IGFL2: variants seen among roughly 807,000 people sequenced by gnomAD.
The protein encoded by IGFL2 is insulin growth factor-like family member 2.
IGFL2 carries 7 observed loss-of-function variants against 13.9 expected under a neutral mutation model. The observed-to-expected ratio is 0.51, with a 90% CI of 0.29 to 0.95. The LOEUF is 0.95. IGFL2 is among the 40% of genes least tolerant of loss of function. The probability of loss-of-function intolerance (pLI) is 0.08; values close to 1 mark genes in which losing one functional copy is unlikely to be tolerated. For missense variants in IGFL2, 138 were observed against 147.8 expected (o/e 0.93, Z 0.34); for synonymous variants, 55 against 55.8 (o/e 0.99, Z 0.07).
chr19:46,165,288 A>T (rs1974345343), downstream of IGFL2, among the ~76,000 whole-genome samples: 1 of 152,262 alleles, frequency 6.6e-6, no homozygotes, highest in African/African-American at 2.4e-5. Context: ...TCCGGTCCCA[A>T]CTATGGAAGG....
the IGFL2 span, among the ~76,000 whole-genome samples, chr19:46,183,979 C>G: frequency 6.6e-6 from 1 of 152,066 alleles, no homozygotes; most frequent in African/African-American, 2.4e-5. Flanking sequence ...GTTTTTGCCC[C>G]CAAAATTGGT....
the IGFL2 span, among the ~76,000 whole-genome samples, chr19:46,177,296 G>A: frequency 1.3e-5 from 2 of 152,166 alleles, no homozygotes; most frequent in Admixed American, 1.3e-4. Context: ...GGGAGGCTGA[G>A]GTGGGAGGAT....
chr19:46,140,173 CTGACCTCAGG>C (rs1034291132), upstream of IGFL2, among the ~76,000 whole-genome samples: 4 of 151,828 alleles, frequency 2.6e-5, no homozygotes, highest in African/African-American at 9.7e-5. Context: ...TGGTCTTGAA[CTGACCTCAGG>C]TGATCCACAC....
At chr19:46,080,002 A>G in the IGFL2 span, among the ~76,000 whole-genome samples, 1 of 151,964 alleles carries the variant, frequency 6.6e-6, no homozygotes, top group Non-Finnish European at 1.5e-5. Context: ...GATAAGTTGG[A>G]AAACGTGCGT....
At chr19:46,107,587 A>G in the IGFL2 span, among the ~76,000 whole-genome samples, 15 of 152,216 alleles carry the variant, frequency 9.9e-5, no homozygotes, top group South Asian at 3.1e-3. Flanking sequence ...TGTGTGCTAG[A>G]AATGTGTGGG....
chr19:46,104,066 C>T, the IGFL2 span, among the ~76,000 whole-genome samples: 1 of 152,096 alleles, frequency 6.6e-6, no homozygotes, highest in Admixed American at 6.5e-5. Context: ...GCTAGGGTGT[C>T]TTCATATGGC....
chr19:46,099,732 T>C, the IGFL2 span, among the ~76,000 whole-genome samples: 1 of 152,130 alleles, frequency 6.6e-6, no homozygotes, highest in South Asian at 2.1e-4. Flanking sequence ...TTCACCATCT[T>C]ATCCAGGCTG....
At chr19:46,079,597 ACGCCTGTACGT>A in the IGFL2 span, among the ~76,000 whole-genome samples, 1 of 151,922 alleles carries the variant, frequency 6.6e-6, no homozygotes, top group East Asian at 1.9e-4. Flanking sequence ...CGCTTTGGAA[ACGCCTGTACGT>A]CGCCTGTACC....
the IGFL2 span, among the ~76,000 whole-genome samples, chr19:46,199,800 T>C: frequency 5.9e-5 from 9 of 152,260 alleles, no homozygotes; most frequent in African/African-American, 1.7e-4. Context: ...TATTGGGAGA[T>C]GTGTTGGGAC....
the IGFL2 span, chr19:46,197,128 G>T: frequency 4.4e-6 from 1 of 225,530 alleles, no homozygotes; most frequent in South Asian, 6.9e-5. Flanking sequence ...ATGCCATCCT[G>T]CCCTCGGATG....
chr19:46,079,302 T>C, the IGFL2 span, among the ~76,000 whole-genome samples: 1 of 152,358 alleles, frequency 6.6e-6, no homozygotes, highest in African/African-American at 2.4e-5. Context: ...TCCTCTGCAA[T>C]GGTTTGTTTT....
upstream of IGFL2, among the ~76,000 whole-genome samples, chr19:46,145,600 ATGTGTGTGTGTGTG>A (rs1024196099): frequency 2.1e-5 from 2 of 94,574 alleles, no homozygotes; most frequent in East Asian, 2.9e-4. Context: ...ACTCATATAT[ATGTGTGTGTGTGTG>A]TGTGTGTGTG....
At chr19:46,113,568 A>G in the IGFL2 span, 1 of 286,852 alleles carries the variant, frequency 3.5e-6, no homozygotes, top group Non-Finnish European at 7.3e-6. Context: ...CAAGAGAAGC[A>G]GGAAATAAGA....
At chr19:46,136,980 C>T in the IGFL2 span, 62 of 1,506,888 alleles carry the variant, frequency 4.1e-5, no homozygotes, top group African/African-American at 7.2e-4. Context: ...TGTGTTTTGT[C>T]CCACACCAAC....
chr19:46,140,683 G>A (rs896696531), upstream of IGFL2, among the ~76,000 whole-genome samples: 9 of 152,140 alleles, frequency 5.9e-5, no homozygotes, highest in African/African-American at 2.2e-4. Flanking sequence ...ACAGGCAGTT[G>A]GATACAGAGA....
At chr19:46,080,732 A>T in the IGFL2 span, among the ~76,000 whole-genome samples, 2 of 152,178 alleles carry the variant, frequency 1.3e-5, no homozygotes, top group East Asian at 3.8e-4. Context: ...GGAAAGAGTC[A>T]GACAGTGTTG....
the IGFL2 span, chr19:46,214,233 C>T: frequency 6.6e-6 from 1 of 152,220 alleles, no homozygotes; most frequent in Non-Finnish European, 1.5e-5. Flanking sequence ...CTGAGTTCAA[C>T]AAGCCCAGAG....
chr19:46,107,138 A>G, the IGFL2 span, among the ~76,000 whole-genome samples: 2 of 152,180 alleles, frequency 1.3e-5, no homozygotes, highest in African/African-American at 2.4e-5. Context: ...CTGGCCGTCA[A>G]TACCCACAAC....
chr19:46,152,055 T>A (rs1048845028), intron 1 of IGFL2, among the ~76,000 whole-genome samples: 2 of 152,232 alleles, frequency 1.3e-5, no homozygotes, highest in African/African-American at 2.4e-5. Context: ...CAACAATGTT[T>A]TGTTGTTTTT....
Sources: allele counts gnomAD v4.1 joint callset (sites outside exome capture counted in the v4.1 genomes callset), GRCh38; gene constraint gnomAD v4.1.1; transcripts MANE v1.5; gene names NCBI Gene and HGNC (gene_info 2026-07-23, HGNC 2026-07-21).